RAB9B: variants seen among roughly 807,000 people sequenced by gnomAD.
The protein encoded by RAB9B is RAB9B, member RAS oncogene family.
In RAB9B, 1 loss-of-function variant was observed where a neutral mutation model predicts 8.9. The ratio of observed to expected loss-of-function variants is 0.11; its 90% CI spans 0.04 to 0.53. The LOEUF (loss-of-function observed/expected upper bound fraction) is 0.53. Among genes scored for constraint, RAB9B ranks in the 20% least tolerant of loss-of-function variants. RAB9B has a pLI of 0.93. For missense variants in RAB9B, 82 were observed against 152.9 expected, an observed-to-expected ratio of 0.54 and a Z score of 2.45; for synonymous variants, 63 against 57.0, an observed-to-expected ratio of 1.10 and a Z score of -0.47.
the RAB9B span, among the ~76,000 whole-genome samples, chrX:103,813,570 A>G: frequency 9.2e-6 from 1 of 108,347 alleles, no homozygotes; most frequent in Non-Finnish European, 1.9e-5. Context: ...ACATAACACT[A>G]TTAACCTTAA....
the RAB9B span, among the ~76,000 whole-genome samples, chrX:103,782,021 A>G: frequency 3.0e-4 from 34 of 112,394 alleles, no homozygotes; most frequent in African/African-American, 9.4e-4. Context: ...AGGGAGCCCA[A>G]TGGATCTTTT....
the RAB9B span, among the ~76,000 whole-genome samples, chrX:103,793,911 T>C: frequency 8.9e-6 from 1 of 112,581 alleles, no homozygotes; most frequent in East Asian, 2.8e-4. Flanking sequence ...GCTTTTCCTA[T>C]CTTCAGGGTC....
the RAB9B span, chrX:103,780,775 C>G: frequency 8.9e-6 from 1 of 112,611 alleles, no homozygotes; most frequent in African/African-American, 3.3e-5. Flanking sequence ...TCTCTGGCAC[C>G]TCTTGATAAT....
At chrX:103,797,979 T>G in the RAB9B span, among the ~76,000 whole-genome samples, 1 of 111,272 alleles carries the variant, frequency 9.0e-6, no homozygotes, top group African/African-American at 3.3e-5. Flanking sequence ...CTGCTCTAAG[T>G]GTGGTCTTAG....
chrX:103,785,373 G>A, the RAB9B span, among the ~76,000 whole-genome samples: 2 of 112,395 alleles, frequency 1.8e-5, no homozygotes, highest in South Asian at 3.7e-4. Flanking sequence ...CACCGTGCCC[G>A]GCCAAAGATT....
the RAB9B span, among the ~76,000 whole-genome samples, chrX:103,777,275 AC>A: frequency 9.1e-6 from 1 of 110,415 alleles, no homozygotes; most frequent in South Asian, 3.9e-4. Context: ...GTGTCCTCCT[AC>A]CCCCTCACTT....
At chrX:103,786,516 T>C in the RAB9B span, 1 of 1,210,160 alleles carries the variant, frequency 8.3e-7, no homozygotes, top group Non-Finnish European at 1.1e-6. Flanking sequence ...TCTTCTTCCT[T>C]TATGGGGCCC....
chrX:103,808,479 C>G, the RAB9B span, among the ~76,000 whole-genome samples: 5 of 112,407 alleles, frequency 4.4e-5, no homozygotes, highest in African/African-American at 1.6e-4. Context: ...TATCGTCTCC[C>G]AGAAGAGGCT....
the RAB9B span, chrX:103,788,734 C>T: frequency 5.5e-4 from 231 of 420,631 alleles, 1 homozygote; most frequent in Non-Finnish European, 8.2e-4. Context: ...TCCAACCCTT[C>T]CCCTCTTAAA....
chrX:103,786,820 T>C, the RAB9B span: 2 of 931,316 alleles, frequency 2.1e-6, no homozygotes, highest in South Asian at 2.0e-5. Flanking sequence ...CTGGGTCCTC[T>C]CTAGGGGCCT....
At chrX:103,779,646 T>A in the RAB9B span, among the ~76,000 whole-genome samples, 1 of 111,943 alleles carries the variant, frequency 8.9e-6, no homozygotes, top group African/African-American at 3.2e-5. Context: ...TTAGGGGGCC[T>A]TGGGCTTGGC....
chrX:103,797,267 T>A, the RAB9B span, among the ~76,000 whole-genome samples: 8 of 109,366 alleles, frequency 7.3e-5, no homozygotes, highest in East Asian at 5.8e-4. Context: ...TTAAAAAAAA[T>A]TTTTTGTAGA....
the RAB9B span, among the ~76,000 whole-genome samples, chrX:103,805,317 G>A: frequency 9.0e-6 from 1 of 111,718 alleles, no homozygotes; most frequent in African/African-American, 3.3e-5. Context: ...TGTGAACCAG[G>A]TTTGCATTTC....
chrX:103,785,164 C>T, the RAB9B span, among the ~76,000 whole-genome samples: 1 of 110,999 alleles, frequency 9.0e-6, no homozygotes, highest in Non-Finnish European at 1.9e-5. Context: ...CAACCTCCGC[C>T]TCCTCCTGGG....
rs1801496389 is a variant in RAB9B, at chrX:103,825,153, G to A, written c.*26C>T. 5.9e-6 allele frequency: 7 copies of A among 1,184,857 alleles called. No homozygotes were observed. In the South Asian group the frequency reaches 1.2e-4, roughly 20 times the overall value. On this transcript the variant is annotated 3_prime_UTR_variant, in exon 3 of 3. Transcript: ENST00000243298. ...TACACTACTGACTGATCAATTTGGG[G>A]CACATTTTTAAAAGGCTCCCTATCT... is the stretch of plus-strand genomic sequence containing the variant.
the RAB9B span, chrX:103,790,692 C>T: frequency 3.1e-6 from 2 of 648,307 alleles, no homozygotes; most frequent in African/African-American, 2.2e-5. Context: ...GCCTTTGCCA[C>T]CAACTGGCCC....
the RAB9B span, among the ~76,000 whole-genome samples, chrX:103,782,368 T>C: frequency 8.9e-6 from 1 of 112,122 alleles, no homozygotes. Context: ...GAAAAGGGGA[T>C]GCTAAGTTAT....
the RAB9B span, among the ~76,000 whole-genome samples, chrX:103,796,818 A>AG: frequency 6.6e-4 from 59 of 88,809 alleles, no homozygotes; most frequent in African/African-American, 2.4e-3. Context: ...TTCTCTGAAA[A>AG]GGGGCCACAA....
the RAB9B span, among the ~76,000 whole-genome samples, chrX:103,795,413 C>A: frequency 1.8e-5 from 2 of 111,599 alleles, no homozygotes; most frequent in African/African-American, 6.5e-5. Flanking sequence ...CATGGATCTT[C>A]TATATATTAT....
Sources: allele counts gnomAD v4.1 joint callset (sites outside exome capture counted in the v4.1 genomes callset), GRCh38; gene constraint gnomAD v4.1.1; transcripts MANE v1.5; gene names NCBI Gene and HGNC (gene_info 2026-07-23, HGNC 2026-07-21).